Variants in TBC1D8 observed in about 807,000 individuals in gnomAD.
TBC1D8 encodes the protein TBC1 domain family member 8.
TBC1D8 carries 65 observed loss-of-function variants against 118.8 expected under a neutral mutation model. That is an observed-to-expected ratio of 0.55 (90% CI 0.45 to 0.67). The LOEUF is 0.67. Ranked by LOEUF, TBC1D8 falls within the 30% of genes least tolerant of loss-of-function variation. TBC1D8 has a pLI of 0.00. For synonymous variants in TBC1D8, 566 were observed against 595.8 expected (o/e 0.95, Z 0.73); for missense variants, 1,376 against 1,471.2 (o/e 0.94, Z 1.06).
intron 3 of TBC1D8, among the ~76,000 whole-genome samples, chr2:101,055,556 A>C (rs1259542810): frequency 6.6e-6 from 1 of 152,190 alleles, no homozygotes; most frequent in African/African-American, 2.4e-5. Flanking sequence ...ACTCAGGTCT[A>C]TGGGAAAACA....
At chr2:101,105,012 C>CA (rs1677104905) in intron 1 of TBC1D8, among the ~76,000 whole-genome samples, 4 of 100,928 alleles carry the variant, frequency 4.0e-5, no homozygotes, top group Admixed American at 3.6e-4. Flanking sequence ...GCAACAAGAG[C>CA]AAAACTCTAT....
At chr2:101,041,682 T>C (rs190176961) in intron 5 of TBC1D8, among the ~76,000 whole-genome samples, 12 of 152,136 alleles carry the variant, frequency 7.9e-5, no homozygotes, top group African/African-American at 1.9e-4. Flanking sequence ...TTTTAAAGGA[T>C]GGATAATAAT....
At chr2:101,122,300 T>C (rs1341786267) in intron 1 of TBC1D8, among the ~76,000 whole-genome samples, 2 of 143,796 alleles carry the variant, frequency 1.4e-5, no homozygotes, top group Non-Finnish European at 3.0e-5. Context: ...CTCGAACTCC[T>C]GACCTCATGA....
At chr2:101,050,343 G>A (rs1681983873) in intron 5 of TBC1D8, 58 bp downstream of exon 5, 6 of 1,566,344 alleles carry the variant, frequency 3.8e-6, no homozygotes, top group Non-Finnish European at 5.2e-6. Flanking sequence ...ATAAGGGATG[G>A]GCACAGCTTA....
Position 101,036,043 on chromosome 2 carries a change from T to G in TBC1D8, c.1578A>C (p.Arg526=). The change falls in exon 9 of 20, where the codon CGA becomes CGC. Residue 526 remains arginine, a synonymous_variant. Coordinates refer to ENST00000409318, the MANE Select transcript of TBC1D8 (RefSeq NM_001330348.2). ...CTGAGAAGAGAAGCCAGAGTCTCCC[T>G]CGCAAAGATTCAGGGATGCCCATGG... ...LVAMGIPESL[R]GRLWLLFSDA... 6.2e-7 allele frequency: 1 copy of G among 1,614,010 alleles called. No individual in the cohort carries two copies. Among genetic ancestry groups the G allele is most frequent in the Non-Finnish European group, 8.5e-7 (1 of 1,179,890 alleles).
intron 15 of TBC1D8, 54 bp downstream of exon 15, chr2:101,027,329 G>A (rs776879800): frequency 2.7e-5 from 42 of 1,555,868 alleles, no homozygotes; most frequent in African/African-American, 9.5e-5. Context: ...GCTGGGCACC[G>A]CGGCTCAGGC....
intron 19 of TBC1D8, among the ~76,000 whole-genome samples, chr2:101,008,749 T>C (rs1278274115): frequency 6.6e-6 from 1 of 151,430 alleles, no homozygotes; most frequent in East Asian, 2.0e-4. Flanking sequence ...GAGGCAAAGG[T>C]TGTGGTAGTC....
intron 1 of TBC1D8, among the ~76,000 whole-genome samples, chr2:101,147,795 C>T (rs1399234826): frequency 6.6e-6 from 1 of 152,248 alleles, no homozygotes; most frequent in African/African-American, 2.4e-5. Flanking sequence ...GTTGTGTGTT[C>T]TTTCTCTGCA....
intron 1 of TBC1D8, among the ~76,000 whole-genome samples, chr2:101,131,948 A>T (rs534091353): frequency 2.0e-5 from 3 of 152,248 alleles, no homozygotes; most frequent in Non-Finnish European, 2.9e-5. Flanking sequence ...AAAAATTGTT[A>T]TAGGTATATT....
intron 17 of TBC1D8, among the ~76,000 whole-genome samples, chr2:101,020,059 C>T (rs1679934429): frequency 7.4e-6 from 1 of 135,998 alleles, no homozygotes; most frequent in Non-Finnish European, 1.6e-5. Flanking sequence ...GGCCACAGAG[C>T]GAAACTCCGT....
chr2:101,048,936 A>C (rs1681879703), intron 5 of TBC1D8, among the ~76,000 whole-genome samples: 1 of 152,122 alleles, frequency 6.6e-6, no homozygotes, highest in Admixed American at 6.5e-5. Flanking sequence ...CATGGGTCAG[A>C]ATTTCCTTCC....
chr2:101,117,213 T>C (rs1204363141), intron 1 of TBC1D8, among the ~76,000 whole-genome samples: 1 of 152,174 alleles, frequency 6.6e-6, no homozygotes, highest in South Asian at 2.1e-4. Context: ...TTTGGACTTC[T>C]GGACAACAGA....
chr2:101,125,238 C>T (rs943226236), intron 1 of TBC1D8, among the ~76,000 whole-genome samples: 20 of 152,188 alleles, frequency 1.3e-4, no homozygotes, highest in African/African-American at 4.1e-4. Flanking sequence ...ACAACACAAT[C>T]CCACATTCCT....
chr2:101,096,998 C>A (rs1676497201), intron 1 of TBC1D8, among the ~76,000 whole-genome samples: 1 of 151,662 alleles, frequency 6.6e-6, no homozygotes, highest in Admixed American at 6.6e-5. Context: ...GAACACTAAG[C>A]AAAATAAATG....
intron 1 of TBC1D8, among the ~76,000 whole-genome samples, chr2:101,123,723 T>A (rs1381792319): frequency 6.6e-6 from 1 of 152,160 alleles, no homozygotes; most frequent in Non-Finnish European, 1.5e-5. Flanking sequence ...GAGTCAGTTG[T>A]TCGCTTTGTT....
intron 1 of TBC1D8, among the ~76,000 whole-genome samples, chr2:101,095,249 T>TTTTTTATTA (rs1676319964): frequency 6.8e-6 from 1 of 146,546 alleles, no homozygotes; most frequent in African/African-American, 2.5e-5. Flanking sequence ...AAGTATTTTC[T>TTTTTTATTA]TTATTATTAT....
At position 101,062,786 on chromosome 2, in the gene TBC1D8, C is replaced by T. The variant is rs186715477; in HGVS notation, c.284-3247G>A. ...CCTCCCAAATAGCTGGGACCACAGGCGCACACCACCACGCCTGGCTAACTT... is the reference window on the plus strand; with the variant it reads ...CCTCCCAAATAGCTGGGACCACAGGTGCACACCACCACGCCTGGCTAACTT... On this transcript the variant is annotated intron_variant, in intron 2 of 19. Coordinates refer to ENST00000409318, the MANE Select transcript of TBC1D8 (RefSeq NM_001330348.2). 2.6e-4 allele frequency among the ~76,000 whole-genome samples: 40 copies of T among 152,208 alleles called. No individual in the cohort carries two copies. The East Asian group carries it at 6.4e-3, about 24-fold the overall frequency.
intron 1 of TBC1D8, among the ~76,000 whole-genome samples, chr2:101,124,401 G>A (rs975450457): frequency 6.6e-6 from 1 of 152,150 alleles, no homozygotes; most frequent in African/African-American, 2.4e-5. Context: ...TCTGGAGAGC[G>A]CTATAAGGGT....
chr2:101,007,987 T>A lies in TBC1D8; in HGVS notation c.3302A>T (p.Glu1101Val), dbSNP rs1558961791. ...AAERDWTVSL[E>V]HILASLLTEQ... ...AGTCAGAAGTGAAGCTAAAATATGT[T>A]CAAGGGAGACAGTCCAGTCCCTTTC... Residue 1101 changes from glutamate to valine, a missense_variant, in exon 20 of 20, where the codon GAA (glutamate) becomes GTA (valine). Physicochemically the swap from Glu to Val is moderately radical, Grantham distance 121. Transcript: ENST00000409318. The A allele has an allele frequency of 2.5e-6, 4 of 1,614,034 alleles. No homozygotes were observed. Among genetic ancestry groups the A allele is most frequent in the Non-Finnish European group, 3.4e-6 (4 of 1,179,890 alleles).
Sources: gnomAD v4.1 joint callset for allele counts (sites outside exome capture counted in the v4.1 genomes callset) on GRCh38, gnomAD v4.1.1 for gene constraint, MANE v1.5 for transcripts, NCBI Gene and HGNC (gene_info 2026-07-23, HGNC 2026-07-21) for gene names.